The following CENPS variants were observed in gnomAD, a reference collection of about 807,000 sequenced individuals.
CENPS encodes the protein FANCM associated histone fold protein 1.
CENPS carries 16 observed loss-of-function variants against 17.9 expected under a neutral mutation model. The ratio of observed to expected loss-of-function variants is 0.90; its 90% confidence interval spans 0.61 to 1.36. The LOEUF is 1.36. CENPS is among the 40% of genes most tolerant of loss of function. The pLI is 0.00. For missense variants in CENPS, 160 were observed against 158.6 expected (o/e 1.01, Z -0.05); for synonymous variants, 49 against 55.8 (o/e 0.88, Z 0.54).
At chr1:10,437,065 A>G (rs142866321) in intron 3 of CENPS, among the ~76,000 whole-genome samples, 7 of 152,360 alleles carry the variant, frequency 4.6e-5, no homozygotes, top group South Asian at 2.1e-4. Flanking sequence ...TTTCAAGTCA[A>G]CTATATGTTA....
chr1:10,442,608 A>G lies in CENPS; in HGVS notation c.*203A>G. The stretch of plus-strand genomic sequence containing the variant: ...TAGAGAATGAGAAAGTCTTAAGCAA[A>G]ATACTCCCAGGTCTCACTCCAGAAC... On this transcript the variant is annotated 3_prime_UTR_variant, in exon 5 of 5. Coordinates refer to ENST00000309048, the MANE Select transcript of CENPS (RefSeq NM_199294.3). 1 of 851,996 alleles carries G rather than the reference A, an allele frequency of 1.2e-6. No individual in the cohort carries two copies. Among genetic ancestry groups the G allele is most frequent in the South Asian group, 5.1e-5 (1 of 19,590 alleles). 52.8% of individuals were successfully genotyped at this position (851,996 alleles called of 1,614,324 possible).
chr1:10,441,604 G>A lies in CENPS; in HGVS notation c.277-661G>A, dbSNP rs868141387. ...GCTGGGATTCCAGGCATGAGCCACC[G>A]CACCTGGCTACAACTCTTTTTTTTT... On this transcript the variant is annotated intron_variant, in intron 4 of 4. Transcript: ENST00000309048. 8.5e-5 allele frequency among the ~76,000 whole-genome samples: 12 copies of A among 141,484 alleles called. No homozygotes were observed. The East Asian group carries it at 1.5e-3, about 18-fold the overall frequency. The allele number at this position is 141,484 out of a possible 152,430, so 92.8% of individuals were successfully genotyped here. A position where few individuals can be genotyped will look rare whatever the true frequency, so the allele number is the denominator to read the frequency against.
At chr1:10,436,621 G>T (rs1462364110) in intron 3 of CENPS, among the ~76,000 whole-genome samples, 2 of 150,472 alleles carry the variant, frequency 1.3e-5, no homozygotes, top group Non-Finnish European at 2.9e-5. Context: ...CAGGAGAATT[G>T]CTTGAACCAG....
At chr1:10,434,022 T>C (rs2124257013) in intron 2 of CENPS, 57 bp downstream of exon 2, 1 of 1,609,166 alleles carries the variant, frequency 6.2e-7, no homozygotes, top group Non-Finnish European at 8.5e-7. Flanking sequence ...TGATTTCACC[T>C]GGGAGCAGTG....
At chr1:10,431,322 A>G in intron 1 of CENPS, 5 of 1,535,276 alleles carry the variant, frequency 3.3e-6, no homozygotes, top group Non-Finnish European at 4.4e-6. Context: ...TCCTCTCTAC[A>G]AAGTTACACT....
At position 10,442,566 on chromosome 1, in the gene CENPS, A is replaced by G. The variant is rs943558242; in HGVS notation, c.*161A>G. On this transcript the variant is annotated 3_prime_UTR_variant, in exon 5 of 5. Coordinates refer to ENST00000309048, the MANE Select transcript of CENPS (RefSeq NM_199294.3). ...TTGTGCTGAATTCTCCACATTGTTA[A>G]CTGCCAAAGCTAGTTTTAGAGAATG... 3 of 1,208,242 alleles carry G rather than the reference A, an allele frequency of 2.5e-6. No individual in the cohort carries two copies. The African/African-American group carries it at 4.7e-5, about 19-fold the overall frequency. The allele number at this position is 1,208,242 out of a possible 1,614,324, so 74.8% of individuals were successfully genotyped here.
At chr1:10,441,643 T>TTG (rs1640417976) in intron 4 of CENPS, among the ~76,000 whole-genome samples, 1 of 98,060 alleles carries the variant, frequency 1.0e-5, no homozygotes, top group African/African-American at 4.2e-5. Context: ...TTTTTTTTTT[T>TTG]GAGATGGAGT....
intron 3 of CENPS, among the ~76,000 whole-genome samples, chr1:10,437,827 A>G (rs1640237900): frequency 6.7e-6 from 1 of 148,790 alleles, no homozygotes; most frequent in African/African-American, 2.5e-5. Context: ...CAGCAGCTCA[A>G]TCTCGGCTCA....
At chr1:10,434,120 C>T (rs944063803) in intron 2 of CENPS, among the ~76,000 whole-genome samples, 155 bp downstream of exon 2, 34 of 152,192 alleles carry the variant, frequency 2.2e-4, no homozygotes, top group Non-Finnish European at 4.0e-4. Flanking sequence ...CTCTTCTTGG[C>T]TGTGAGATGT....
At chr1:10,431,225 G>A in intron 1 of CENPS, 1 of 1,528,006 alleles carries the variant, frequency 6.5e-7, no homozygotes, top group East Asian at 2.5e-5. Flanking sequence ...ACGTTGCCGT[G>A]AAGAGGCTTA....
intron 1 of CENPS, 123 bp downstream of exon 1, chr1:10,430,691 C>G: frequency 1.4e-6 from 2 of 1,401,578 alleles, no homozygotes; most frequent in Non-Finnish European, 1.8e-6. Flanking sequence ...CCCCCCGCGG[C>G]TGCGCATGCG....
intron 2 of CENPS, 125 bp from the exon 3 acceptor site, chr1:10,434,532 T>C (rs1248585072): frequency 1.4e-6 from 2 of 1,425,282 alleles, no homozygotes; most frequent in Non-Finnish European, 1.9e-6. Context: ...TCCTTTCACC[T>C]TTAAGAGGGT....
chr1:10,433,414 G>A lies in CENPS; in HGVS notation c.52-428G>A, dbSNP rs148039173. Among the ~76,000 whole-genome samples, 1,082 of 152,272 alleles carry A rather than the reference G, an allele frequency of 7.1e-3. 9 individuals carry two copies. The highest frequency in any genetic ancestry group is 0.025 in the African/African-American group (1,027 of 41,546). On this transcript the variant is annotated intron_variant, in intron 1 of 4. Coordinates refer to ENST00000309048, the MANE Select transcript of CENPS (RefSeq NM_199294.3). ...CCAGGGGCTTGCAGCAGAGGGATGG[G>A]ATCCTTCTGTATTGTTGATTAACTG...
intron 4 of CENPS, among the ~76,000 whole-genome samples, chr1:10,441,214 GTC>G (rs1243228131): frequency 6.6e-6 from 1 of 151,030 alleles, no homozygotes. Flanking sequence ...TGGACATGCA[GTC>G]TCTCTCTGTT....
At chr1:10,441,907 G>A (rs1317752545) in intron 4 of CENPS, among the ~76,000 whole-genome samples, 1 of 152,038 alleles carries the variant, frequency 6.6e-6, no homozygotes, top group East Asian at 1.9e-4. Context: ...TTACAGGCGT[G>A]AGCCACCGCA....
rs962539713 is a variant in CENPS at position 10,442,197 on chromosome 1, G to A, written c.277-68G>A. On this transcript the variant is annotated intron_variant, in intron 4 of 4. Transcript: ENST00000309048. ...AGGTGGTTGTGGAGGGTTTAGTTTCGTTTGTTTGTTTATTTAGGTTTATAA... is the reference window on the plus strand; with the variant it reads ...AGGTGGTTGTGGAGGGTTTAGTTTCATTTGTTTGTTTATTTAGGTTTATAA... The A allele has an allele frequency of 2.2e-5, 34 of 1,522,388 alleles. No homozygotes were observed. In the African/African-American group the frequency reaches 3.0e-4, roughly 14 times the overall value. The allele number at this position is 1,522,388 out of a possible 1,614,324, so 94.3% of individuals were successfully genotyped here. A position where few individuals can be genotyped will look rare whatever the true frequency, so the allele number is the denominator to read the frequency against.
At chr1:10,432,365 G>GC (rs1639958844) in intron 1 of CENPS, among the ~76,000 whole-genome samples, 1 of 152,228 alleles carries the variant, frequency 6.6e-6, no homozygotes, top group Non-Finnish European at 1.5e-5. Context: ...GATTACAGGT[G>GC]TGAACCACTG....
chr1:10,432,407 G>T (rs1281193340), intron 1 of CENPS, among the ~76,000 whole-genome samples: 1 of 152,188 alleles, frequency 6.6e-6, no homozygotes, highest in Non-Finnish European at 1.5e-5. Flanking sequence ...CTAGAACAGA[G>T]CCTGGCTCTC....
rs1639848581 is a variant in CENPS, at chr1:10,430,471, C to T, written c.-47C>T. ...AAAATCCGACCTGGCCGCGCACCAC[C>T]GCCCCTTCTCGGCCCTCCTGCGTTT... On this transcript the variant is annotated 5_prime_UTR_variant, in exon 1 of 5. Transcript: ENST00000309048. 2.0e-6 allele frequency: 3 copies of T among 1,530,064 alleles called. No homozygotes were observed. The highest frequency in any genetic ancestry group is 1.4e-5 in the African/African-American group (1 of 69,808). 94.8% of individuals were successfully genotyped at this position (1,530,064 alleles called of 1,614,324 possible).
Sources: allele counts gnomAD v4.1 joint callset (sites outside exome capture counted in the v4.1 genomes callset), GRCh38; gene constraint gnomAD v4.1.1; transcripts MANE v1.5; gene names NCBI Gene and HGNC (gene_info 2026-07-23, HGNC 2026-07-21).